The following PCNX1 variants were observed in gnomAD, a reference collection of about 807,000 sequenced individuals.
PCNX1 encodes pecanex 1, also known as pecanex-like protein 1.
Under a neutral mutation model 242.2 loss-of-function variants are expected in PCNX1, and 78 were observed. The ratio of observed to expected loss-of-function variants is 0.32; its 90% CI spans 0.27 to 0.39. PCNX1 has a LOEUF of 0.39. Among genes scored for constraint, PCNX1 ranks in the 10% least tolerant of loss-of-function variants. PCNX1 has a pLI of 1.00. For synonymous variants in PCNX1, 1,024 were observed against 1,032.9 expected, an observed-to-expected ratio of 0.99 and a Z score of 0.17; for missense variants, 2,581 against 2,856.5, an observed-to-expected ratio of 0.90 and a Z score of 2.20.
intron 20 of PCNX1, among the ~76,000 whole-genome samples, chr14:71,045,727 CTG>C (rs1221619347): frequency 2.0e-5 from 3 of 152,174 alleles, no homozygotes; most frequent in Non-Finnish European, 4.4e-5. Context: ...GCCAGAGACA[CTG>C]TGTCCTACCA....
intron 28 of PCNX1, among the ~76,000 whole-genome samples, chr14:71,086,876 G>A (rs1401205846): frequency 6.6e-6 from 1 of 152,146 alleles, no homozygotes; most frequent in Non-Finnish European, 1.5e-5. Flanking sequence ...TCAGGGACCG[G>A]TGTCCAGTGT....
intron 26 of PCNX1, among the ~76,000 whole-genome samples, chr14:71,069,724 C>G (rs570801586): frequency 6.6e-6 from 1 of 152,164 alleles, no homozygotes; most frequent in Non-Finnish European, 1.5e-5. Context: ...CTAATAAATG[C>G]TAAGGATGAT....
chr14:71,027,164 C>T, intron 15 of PCNX1: 5 of 265,918 alleles, frequency 1.9e-5, no homozygotes, highest in Non-Finnish European at 3.6e-5. Flanking sequence ...TTACATGGAG[C>T]CTACATATAC....
intron 31 of PCNX1, among the ~76,000 whole-genome samples, 171 bp downstream of exon 31, chr14:71,102,391 G>A (rs1459477111): frequency 1.3e-5 from 2 of 151,802 alleles, no homozygotes; most frequent in East Asian, 1.9e-4. Context: ...TCAGCCTATC[G>A]AGAAGCTGGG....
At chr14:71,015,177 A>G (rs1012980679) in intron 11 of PCNX1, among the ~76,000 whole-genome samples, 7 of 152,194 alleles carry the variant, frequency 4.6e-5, no homozygotes, top group Non-Finnish European at 1.0e-4. Flanking sequence ...TTATGAGCAG[A>G]CCCACACTAC....
chr14:70,920,360 G>A (rs2056331125), intron 1 of PCNX1, among the ~76,000 whole-genome samples: 1 of 152,118 alleles, frequency 6.6e-6, no homozygotes, highest in Admixed American at 6.5e-5. Flanking sequence ...GTTGCATTTA[G>A]TATCATCTTT....
intron 4 of PCNX1, 68 bp from the exon 5 acceptor site, chr14:70,968,953 C>T (rs2058460495): frequency 1.1e-6 from 1 of 874,688 alleles, no homozygotes; most frequent in African/African-American, 1.7e-5. Context: ...ATTAATACTC[C>T]TTGGTTATGC....
intron 11 of PCNX1, among the ~76,000 whole-genome samples, chr14:71,014,071 T>C (rs2059894533): frequency 6.6e-6 from 1 of 152,148 alleles, no homozygotes; most frequent in South Asian, 2.1e-4. Context: ...AGAGGAACAG[T>C]TCCTGGCAAT....
At chr14:71,043,110 C>T (rs527661120) in intron 19 of PCNX1, among the ~76,000 whole-genome samples, 3 of 152,140 alleles carry the variant, frequency 2.0e-5, no homozygotes, top group African/African-American at 2.4e-5. Flanking sequence ...TTCAGCACTT[C>T]GAATGTGTCA....
At position 71,105,369 on chromosome 14, in the gene PCNX1, G is replaced by T; in HGVS notation, c.6230G>T (p.Ser2077Ile). ...NNPHSNVTQGSIGNPGQGSGT... is the reference protein window; with the variant it reads ...NNPHSNVTQGIIGNPGQGSGT... Reference sequence around the variant, plus strand: ...CCCCACAGCAACGTGACCCAGGGAAGCATTGGAAATCCTGGGCAGGGATCA... The same window carrying T: ...CCCCACAGCAACGTGACCCAGGGAATCATTGGAAATCCTGGGCAGGGATCA... The change falls in exon 33 of 36, where the codon AGC becomes ATC. Residue 2077 changes from serine (S) to isoleucine (I), a missense_variant. Physicochemically the swap from Ser to Ile is moderately radical, Grantham distance 142. Around this residue, in one of 9 missense-constraint regions of PCNX1, gnomAD observed 432 missense variants for 433.6 expected, o/e 1.00. Coordinates refer to ENST00000304743, the MANE Select transcript of PCNX1 (RefSeq NM_014982.3). 6 of 1,614,082 alleles carry T rather than the reference G, an allele frequency of 3.7e-6. No homozygotes were observed. The highest frequency in any genetic ancestry group is 5.1e-6 in the Non-Finnish European group (6 of 1,179,976).
chr14:71,090,707 T>C (rs778592280), intron 30 of PCNX1, among the ~76,000 whole-genome samples: 2 of 152,262 alleles, frequency 1.3e-5, no homozygotes, highest in Non-Finnish European at 2.9e-5. Flanking sequence ...GTACCAACTA[T>C]GTATCTGCTT....
In PCNX1 at chr14:70,996,047, C is replaced by CAT. The variant is rs1299983808; in HGVS notation, c.2629+124_2629+125dup. ...GAACTATGCATAGGAGCACTTTTTACATAGGATTTACCCTATGTGTTAGGA... is the reference window on the plus strand; with the variant it reads ...GAACTATGCATAGGAGCACTTTTTACATATAGGATTTACCCTATGTGTTAGGA... On this transcript the variant is annotated intron_variant, in intron 8 of 35. Transcript: ENST00000304743. 9 of 708,234 alleles carry CAT rather than the reference C, an allele frequency of 1.3e-5. No homozygotes were observed. The East Asian group carries it at 1.6e-4, about 12-fold the overall frequency. 43.9% of individuals were successfully genotyped at this position (708,234 alleles called of 1,614,324 possible). A position where few individuals can be genotyped will look rare whatever the true frequency, so the allele number is the denominator to read the frequency against.
chr14:70,927,575 T>C (rs2056638696), intron 1 of PCNX1, among the ~76,000 whole-genome samples: 1 of 151,386 alleles, frequency 6.6e-6, no homozygotes, highest in African/African-American at 2.4e-5. Flanking sequence ...CTCTCTCTTT[T>C]ATTTATTTAT....
chr14:71,003,981 T>C (rs1356952160), intron 8 of PCNX1, among the ~76,000 whole-genome samples: 1 of 152,238 alleles, frequency 6.6e-6, no homozygotes, highest in African/African-American at 2.4e-5. Context: ...TGATTTCCAT[T>C]GTATCATGAG....
rs1445553579 is a variant in PCNX1, at chr14:70,940,056, A to T, written c.154-6859A>T. On this transcript the variant is annotated intron_variant, in intron 1 of 35. Coordinates refer to ENST00000304743, the MANE Select transcript of PCNX1 (RefSeq NM_014982.3). The stretch of plus-strand genomic sequence containing the variant: ...GAGATGGGTCTCCTGAATGCAGCGC[A>T]CACTGATGGGTCTTGACTCTTTATC... 2.6e-5 allele frequency among the ~76,000 whole-genome samples: 4 copies of T among 152,158 alleles called. No individual in the cohort carries two copies. In the East Asian group the frequency reaches 7.7e-4, roughly 29 times the overall value.
At chr14:71,074,913 T>G (rs1309722069) in intron 27 of PCNX1, among the ~76,000 whole-genome samples, 2 of 152,116 alleles carry the variant, frequency 1.3e-5, no homozygotes, top group African/African-American at 4.8e-5. Flanking sequence ...GTGAAGCCAG[T>G]ATTTTTAAGA....
At chr14:70,954,517 C>A (rs1297123116) in intron 2 of PCNX1, among the ~76,000 whole-genome samples, 1 of 152,050 alleles carries the variant, frequency 6.6e-6, no homozygotes, top group Non-Finnish European at 1.5e-5. Context: ...AATATTGAAT[C>A]TCTCCATTTA....
intron 26 of PCNX1, among the ~76,000 whole-genome samples, chr14:71,071,725 C>G (rs1056269980): frequency 2.0e-5 from 3 of 152,198 alleles, no homozygotes; most frequent in African/African-American, 7.2e-5. Flanking sequence ...TCAGGTAGTT[C>G]TTTACAGCAA....
chr14:71,065,337 T>C (rs2061420817), intron 26 of PCNX1, among the ~76,000 whole-genome samples: 1 of 152,234 alleles, frequency 6.6e-6, no homozygotes, highest in African/African-American at 2.4e-5. Context: ...GGTATCTCAT[T>C]GTGGTTTTGA....
Sources: gnomAD v4.1 joint callset for allele counts (sites outside exome capture counted in the v4.1 genomes callset) on GRCh38, gnomAD v4.1.1 for gene constraint, gnomAD v4.1.1 regional missense constraint, MANE v1.5 for transcripts, NCBI Gene and HGNC (gene_info 2026-07-23, HGNC 2026-07-21) for gene names.